GPR37L1: variants seen among roughly 807,000 people sequenced by gnomAD.
The protein encoded by GPR37L1 is G protein-coupled receptor 37-like 1.
A neutral mutation model predicts 18.0 loss-of-function variants in GPR37L1; 18 were observed. The observed-to-expected ratio is 1.00, with a 90% CI of 0.69 to 1.49. The LOEUF is 1.49. Among genes scored for constraint, GPR37L1 ranks in the 40% most tolerant of loss-of-function variants. GPR37L1 has a pLI of 0.00. For synonymous variants in GPR37L1, 256 were observed against 273.9 expected, an observed-to-expected ratio of 0.93 and a Z score of 0.65; for missense variants, 558 against 615.1, an observed-to-expected ratio of 0.91 and a Z score of 0.98.
chr1:202,128,492 C>T lies in GPR37L1; in HGVS notation c.1382C>T (p.Ser461Phe). Reference sequence around the variant, plus strand: ...AACAAGCTCAAGACCGAGGTGTCCTCTTCCATCTACTTCCACAAGCCCAGG... The same window carrying T: ...AACAAGCTCAAGACCGAGGTGTCCTTTTCCATCTACTTCCACAAGCCCAGG... ...SDNKLKTEVS[S>F]SIYFHKPRES... Residue 461 changes from serine to phenylalanine, a missense_variant, in exon 2 of 2, where the codon TCT becomes TTT. Physicochemically the swap from Ser to Phe is radical, Grantham distance 155. Coordinates refer to ENST00000367282, the MANE Select transcript of GPR37L1 (RefSeq NM_004767.5). 6.2e-7 allele frequency: 1 copy of T among 1,606,168 alleles called. No homozygotes were observed. Among genetic ancestry groups the T allele is most frequent in the Non-Finnish European group, 8.5e-7 (1 of 1,175,628 alleles).
intron 1 of GPR37L1, 30 bp from the exon 2 acceptor site, chr1:202,127,711 C>T: frequency 2.0e-6 from 3 of 1,471,286 alleles, no homozygotes; most frequent in Non-Finnish European, 2.8e-6. Flanking sequence ...TGACCAAGTG[C>T]TTCTCTCTTC....
rs984736079 is a variant in GPR37L1 at position 202,126,868 on chromosome 1, T to TGTGTGTGCGTGTGTGC, written c.631-872_631-871insTGTGTGCGTGTGTGCG. Among the ~76,000 whole-genome samples, 123 of 151,120 alleles carry TGTGTGTGCGTGTGTGC rather than the reference T, an allele frequency of 8.1e-4. 1 individual carries two copies. Among genetic ancestry groups the TGTGTGTGCGTGTGTGC allele is most frequent in the African/African-American group, 3.0e-3 (122 of 40,964 alleles). ...GTGTGTGTGTGTGTGTGTGTGTGTG[T>TGTGTGTGCGTGTGTGC]GCACGCGTAAGCCATGTTCCCCAAG... is the stretch of plus-strand genomic sequence containing the variant. On this transcript the variant is annotated intron_variant, in intron 1 of 1. Transcript: ENST00000367282.
Position 202,123,171 on chromosome 1 carries a change from C to T in GPR37L1, c.208C>T (p.Pro70Ser), listed in dbSNP as rs752647832. The T allele has an allele frequency of 2.5e-6, 4 of 1,613,294 alleles. No homozygotes were observed. The highest frequency in any genetic ancestry group is 3.4e-6 in the Non-Finnish European group (4 of 1,179,628). Reference sequence around the variant, plus strand: ...TGAGGAGTGGGCGGAGTACCCCCGGCCCATTCACCCTGCTGGCCTGCAGCC... The same window carrying T: ...TGAGGAGTGGGCGGAGTACCCCCGGTCCATTCACCCTGCTGGCCTGCAGCC... ...VPEEWAEYPR[P>S]IHPAGLQPTK... The change falls in exon 1 of 2, where the codon CCC becomes TCC. Residue 70 changes from proline (P) to serine (S), a missense_variant. By Grantham distance (74) the Pro-to-Ser change is moderately conservative. Transcript: ENST00000367282.
chr1:202,127,292 T>A (rs1654692312), intron 1 of GPR37L1, among the ~76,000 whole-genome samples: 1 of 126,334 alleles, frequency 7.9e-6, no homozygotes, highest in African/African-American at 3.2e-5. Flanking sequence ...CCTTCCTTCC[T>A]TCCTTCCTTC....
At chr1:202,127,666 A>G (rs1654707252) in intron 1 of GPR37L1, 75 bp from the exon 2 acceptor site, 2 of 1,068,400 alleles carry the variant, frequency 1.9e-6, no homozygotes, top group East Asian at 4.8e-5. Context: ...TAACTGAGCC[A>G]GAAGCCAGGT....
chr1:202,128,647 C>T lies in GPR37L1; in HGVS notation c.*91C>T. The T allele has an allele frequency of 1.3e-6, 1 of 791,450 alleles. No individual in the cohort carries two copies. The highest frequency in any genetic ancestry group is 2.0e-6 in the Non-Finnish European group (1 of 496,160). 49.0% of individuals were successfully genotyped at this position (791,450 alleles called of 1,614,324 possible). On this transcript the variant is annotated 3_prime_UTR_variant, in exon 2 of 2. Transcript: ENST00000367282. ...CCATAGGTCTTGCTTTGTTGCCTGTCTTGCTGTCTAGGGATGGACTTGGTT... is the reference window on the plus strand; with the variant it reads ...CCATAGGTCTTGCTTTGTTGCCTGTTTTGCTGTCTAGGGATGGACTTGGTT...
Position 202,128,001 on chromosome 1 carries a change from C to T in GPR37L1, c.891C>T (p.Ser297=), listed in dbSNP as rs558768667. 2 of 1,614,156 alleles carry T rather than the reference C, an allele frequency of 1.2e-6. No individual in the cohort carries two copies. The highest frequency in any genetic ancestry group is 2.2e-5 in the East Asian group (1 of 44,874). The part of the protein sequence containing the change: ...IMKPSASLPE[S]LYSLVMTYQN... ...AACCCTCAGCCAGCCTGCCCGAGTC[C>T]CTGTATTCACTGGTGATGACCTACC... The change falls in exon 2 of 2, where the codon TCC becomes TCT. Residue 297 remains serine (S), a synonymous_variant. Transcript: ENST00000367282.
At chr1:202,126,520 G>T (rs958498342) in intron 1 of GPR37L1, among the ~76,000 whole-genome samples, 1 of 152,228 alleles carries the variant, frequency 6.6e-6, no homozygotes, top group Non-Finnish European at 1.5e-5. Context: ...AGAACACTTG[G>T]TGGCTGTGCT....
chr1:202,133,241 T>G lies in GPR37L1; in HGVS notation c.*4685T>G, dbSNP rs1287313154. ...TGGCGCAAGAGCCTGGACGCACGTG[T>G]GGGAGGCCGTTTTGTGCAGCGCCAT... On this transcript the variant is annotated 3_prime_UTR_variant, in exon 2 of 2. Coordinates refer to ENST00000367282, the MANE Select transcript of GPR37L1 (RefSeq NM_004767.5). The G allele has an allele frequency of 2.0e-5, 3 of 152,224 alleles. No individual in the cohort carries two copies. In the East Asian group the frequency reaches 5.8e-4, roughly 29 times the overall value. The allele number at this position is 152,224 out of a possible 1,614,324, so 9.4% of individuals were successfully genotyped here. A position where few individuals can be genotyped will look rare whatever the true frequency, so the allele number is the denominator to read the frequency against.
chr1:202,128,180 T>C lies in GPR37L1; in HGVS notation c.1070T>C (p.Leu357Pro), dbSNP rs1192005321. ...AAGCACGAGCAGTGTGAGAGCCAGC[T>C]CAACAGCACCGTGGTGGGCCTGACC... ...ASKHEQCESQLNSTVVGLTVV... is the reference protein window; with the variant it reads ...ASKHEQCESQPNSTVVGLTVV... The change falls in exon 2 of 2, where the codon CTC (leucine) becomes CCC (proline). Residue 357 changes from leucine (L) to proline (P), a missense_variant. Physicochemically the swap from Leu to Pro is moderately conservative, Grantham distance 98. Transcript: ENST00000367282. The C allele has an allele frequency of 6.2e-7, 1 of 1,613,798 alleles. No homozygotes were observed. Among genetic ancestry groups the C allele is most frequent in the Non-Finnish European group, 8.5e-7 (1 of 1,180,004 alleles).
chr1:202,125,573 T>C (rs1055363958), intron 1 of GPR37L1, among the ~76,000 whole-genome samples: 3 of 152,176 alleles, frequency 2.0e-5, no homozygotes, highest in Non-Finnish European at 2.9e-5. Flanking sequence ...TGTAATGTCC[T>C]CCTGGGCCAG....
chr1:202,130,562 A>C lies in GPR37L1; in HGVS notation c.*2006A>C, dbSNP rs553016972. ...GCTAGGTGATGGCGCCGCCATGCACACACCCTTTGTGCTGGGGAGTGACAC... is the reference window on the plus strand; with the variant it reads ...GCTAGGTGATGGCGCCGCCATGCACCCACCCTTTGTGCTGGGGAGTGACAC... On this transcript the variant is annotated 3_prime_UTR_variant, in exon 2 of 2. Coordinates refer to ENST00000367282, the MANE Select transcript of GPR37L1 (RefSeq NM_004767.5). The C allele has an allele frequency of 1.3e-5, 2 of 152,408 alleles. No homozygotes were observed. Among genetic ancestry groups the C allele is most frequent in the African/African-American group, 4.8e-5 (2 of 41,580 alleles). The allele number at this position is 152,408 out of a possible 1,614,324, so 9.4% of individuals were successfully genotyped here. A position where few individuals can be genotyped will look rare whatever the true frequency, so the allele number is the denominator to read the frequency against.
At position 202,127,840 on chromosome 1, in the gene GPR37L1, C is replaced by T. The variant is rs146526098; in HGVS notation, c.730C>T (p.Arg244Trp). ...CCTGCCCAAGGTGAGGCCCATCGAG[C>T]GGTGCCAATCCATCCTGGCCAAGTT... ...STLPKVRPIE[R>W]CQSILAKLAV... Residue 244 changes from arginine to tryptophan, a missense_variant, in exon 2 of 2, where the codon CGG (arginine) becomes TGG (tryptophan). Arg to Trp is a moderately radical substitution (Grantham distance 101). Coordinates refer to ENST00000367282, the MANE Select transcript of GPR37L1 (RefSeq NM_004767.5). 22 of 1,613,762 alleles carry T rather than the reference C, an allele frequency of 1.4e-5. No individual in the cohort carries two copies. The highest frequency in any genetic ancestry group is 1.7e-5 in the Non-Finnish European group (20 of 1,179,896).
In GPR37L1 at chr1:202,128,215, G is replaced by T; in HGVS notation, c.1105G>T (p.Ala369Ser). ...STVVGLTVVY[A>S]FCTLPENVCN... ...CGTGGTGGGCCTGACCGTGGTCTAC[G>T]CCTTCTGCACCCTCCCAGAGAACGT... The change falls in exon 2 of 2, where the codon GCC becomes TCC. Residue 369 changes from alanine to serine, a missense_variant. By Grantham distance (99) the Ala-to-Ser change is moderately conservative. Transcript: ENST00000367282. 6.2e-7 allele frequency: 1 copy of T among 1,613,810 alleles called. No individual in the cohort carries two copies. Among genetic ancestry groups the T allele is most frequent in the Non-Finnish European group, 8.5e-7 (1 of 1,179,998 alleles).
rs376164964 is a variant in GPR37L1, at chr1:202,124,282, C to T, written c.630+689C>T. 5.9e-5 allele frequency among the ~76,000 whole-genome samples: 9 copies of T among 152,346 alleles called. 1 individual carries two copies. Among genetic ancestry groups the T allele is most frequent in the African/African-American group, 1.9e-4 (8 of 41,584 alleles). Reference sequence around the variant, plus strand: ...ATGGGGGGCTCTAGTCTTAGCTCTGCCACTGACATACTGGGCGTCACTGGG... The same window carrying T: ...ATGGGGGGCTCTAGTCTTAGCTCTGTCACTGACATACTGGGCGTCACTGGG... On this transcript the variant is annotated intron_variant, in intron 1 of 1. Transcript: ENST00000367282.
In GPR37L1 at chr1:202,123,374, G is replaced by A. The variant is rs114153525; in HGVS notation, c.411G>A (p.Ala137=). The A allele has an allele frequency of 2.3e-4, 368 of 1,614,168 alleles. 2 individuals are homozygous for A. In the African/African-American group the frequency reaches 3.9e-3, roughly 17 times the overall value. The part of the protein sequence containing the change: ...SYSAYAIMLL[A]LVVFAVGIVG... ...GTGCCTATGCCATCATGCTTCTGGC[G>A]CTGGTGGTGTTTGCGGTGGGCATTG... is the stretch of plus-strand genomic sequence containing the variant. The change falls in exon 1 of 2, where the codon GCG becomes GCA. Residue 137 remains alanine, a synonymous_variant. Transcript: ENST00000367282.
Position 202,123,055 on chromosome 1 carries a change from G to A in GPR37L1, c.92G>A (p.Gly31Asp). The A allele has an allele frequency of 6.2e-7, 1 of 1,613,748 alleles. No homozygotes were observed. The highest frequency in any genetic ancestry group is 8.5e-7 in the Non-Finnish European group (1 of 1,180,002). Residue 31 changes from glycine to aspartate, a missense_variant, in exon 1 of 2, where the codon GGC becomes GAC. Coordinates refer to ENST00000367282, the MANE Select transcript of GPR37L1 (RefSeq NM_004767.5). ...TCTGGGGGTGCCCCCCTGCACCTGG[G>A]CAGGCACAGAGCCGAGACCCAGGAG... The part of the protein sequence containing the change: ...RVSGGAPLHL[G>D]RHRAETQEQQ...
In GPR37L1 at chr1:202,128,566, AGGGGT is replaced by A; in HGVS notation, c.*15_*19del. The A allele has an allele frequency of 2.6e-6, 2 of 781,544 alleles. No individual in the cohort carries two copies. The highest frequency in any genetic ancestry group is 2.0e-6 in the Non-Finnish European group (1 of 500,870). The allele number at this position is 781,544 out of a possible 1,614,324, so 48.4% of individuals were successfully genotyped here. Reference sequence around the variant, plus strand: ...GGGCACACCTTGCTGAGGCCCCAGTAGGGGTGGGGAGGGAGGGAGAGGCCGCCACC... The same window carrying A: ...GGGCACACCTTGCTGAGGCCCCAGTAGGGGAGGGAGGGAGAGGCCGCCACC... On this transcript the variant is annotated 3_prime_UTR_variant, in exon 2 of 2. Coordinates refer to ENST00000367282, the MANE Select transcript of GPR37L1 (RefSeq NM_004767.5).
rs902090125 is a variant in GPR37L1, at chr1:202,127,741, G to A, written c.631G>A (p.Val211Ile). Residue 211 changes from valine (V) to isoleucine (I), a missense_variant and splice_region_variant, in exon 2 of 2, where the codon GTC becomes ATC. Coordinates refer to ENST00000367282, the MANE Select transcript of GPR37L1 (RefSeq NM_004767.5). ...CTCTTCCCTCACATCCTGCCCACAG[G>A]TCTCCTCTCTGGGAGTCACGACTTT... ...VSCRAVPFME[V>I]SSLGVTTFSL... 2.8e-5 allele frequency: 43 copies of A among 1,554,308 alleles called. No homozygotes were observed. The African/African-American group carries it at 4.9e-4, about 18-fold the overall frequency.
Sources: allele counts gnomAD v4.1 joint callset (sites outside exome capture counted in the v4.1 genomes callset), GRCh38; gene constraint gnomAD v4.1.1; transcripts MANE v1.5; gene names NCBI Gene and HGNC (gene_info 2026-07-23, HGNC 2026-07-21).